Variants in ZNF423 observed in about 807,000 individuals in gnomAD.
The protein encoded by ZNF423 is zinc finger protein 423.
In ZNF423, 12 loss-of-function variants were observed where a neutral mutation model predicts 95.8. That is an observed-to-expected ratio of 0.13 (90% CI 0.08 to 0.20). ZNF423 has a LOEUF of 0.20. Among genes scored for constraint, ZNF423 ranks in the 10% least tolerant of loss-of-function variants. ZNF423 has a pLI of 1.00. For synonymous variants in ZNF423, 749 were observed against 711.9 expected (o/e 1.05, Z -0.83); for missense variants, 1,316 against 1,737.1 (o/e 0.76, Z 4.31).
intron 4 of ZNF423, among the ~76,000 whole-genome samples, chr16:49,629,330 C>G (rs1358282284): frequency 6.6e-6 from 1 of 152,162 alleles, no homozygotes; most frequent in African/African-American, 2.4e-5. Context: ...TCCATTTATA[C>G]TTAGTGTAAT....
chr16:49,615,948 G>A (rs1007584061), intron 5 of ZNF423, among the ~76,000 whole-genome samples: 10 of 152,282 alleles, frequency 6.6e-5, no homozygotes, highest in South Asian at 2.1e-4. Flanking sequence ...CGCTGCATAC[G>A]TTTCATTTTC....
intron 1 of ZNF423, among the ~76,000 whole-genome samples, chr16:49,815,725 C>G (rs2034826027): frequency 6.6e-6 from 1 of 151,430 alleles, no homozygotes; most frequent in Non-Finnish European, 1.5e-5. Flanking sequence ...ACAGAGCACG[C>G]AGGCTTGGGT....
At chr16:49,621,786 G>A (rs1972092423) in intron 5 of ZNF423, among the ~76,000 whole-genome samples, 1 of 152,200 alleles carries the variant, frequency 6.6e-6, no homozygotes, top group Admixed American at 6.5e-5. Context: ...CAGGCCTGCA[G>A]TGTCTGCCTC....
intron 3 of ZNF423, among the ~76,000 whole-genome samples, chr16:49,703,244 T>C (rs8055663): frequency 0.063 from 9,566 of 152,274 alleles, 470 homozygotes; most frequent in South Asian, 0.3. Context: ...CTTGAAAACA[T>C]TTATTCTTTT....
At chr16:49,574,792 T>C (rs1970447597) in intron 5 of ZNF423, among the ~76,000 whole-genome samples, 1 of 152,216 alleles carries the variant, frequency 6.6e-6, no homozygotes, top group Non-Finnish European at 1.5e-5. Context: ...CCAGGCCTTC[T>C]GCTGCCTGTG....
chr16:49,678,421 G>T (rs1313412289), intron 3 of ZNF423, among the ~76,000 whole-genome samples: 3 of 152,136 alleles, frequency 2.0e-5, no homozygotes, highest in Non-Finnish European at 2.9e-5. Flanking sequence ...ATGGTTTTGG[G>T]TGATGGCAAA....
At chr16:49,666,073 G>A (rs1225601313) in intron 3 of ZNF423, among the ~76,000 whole-genome samples, 1 of 152,186 alleles carries the variant, frequency 6.6e-6, no homozygotes, top group African/African-American at 2.4e-5. Flanking sequence ...TAAATAGTGC[G>A]ATCAAAACGC....
intron 5 of ZNF423, among the ~76,000 whole-genome samples, chr16:49,568,352 T>C (rs1192375701): frequency 6.6e-6 from 1 of 152,014 alleles, no homozygotes; most frequent in African/African-American, 2.4e-5. Context: ...GGGAGGCTAA[T>C]AGAGAAAAGG....
intron 7 of ZNF423, among the ~76,000 whole-genome samples, chr16:49,516,128 G>C (rs141497230): frequency 1.3e-5 from 2 of 152,328 alleles, no homozygotes; most frequent in East Asian, 3.9e-4. Flanking sequence ...TAGGGGAAGG[G>C]GGACCCGAAG....
At chr16:49,857,410 AC>A (rs1335078818), upstream of ZNF423, among the ~76,000 whole-genome samples, 1 of 151,822 alleles carries the variant, frequency 6.6e-6, no homozygotes, top group Admixed American at 6.6e-5. This position sits in a 1 kb window ranked among gnomAD's most constrained non-coding sequence, Gnocchi z 6.2. Context: ...GGAGGAGGGA[AC>A]ACACTTAGGG....
chr16:49,635,843 C>G lies in ZNF423; in HGVS notation c.3333G>C (p.Gln1111His), dbSNP rs1972673640. The change falls in exon 4 of 8, where the codon CAG becomes CAC. Residue 1111 changes from glutamine (Q) to histidine (H), a missense_variant. Physicochemically the swap from Gln to His is conservative, Grantham distance 24. Transcript: ENST00000563137. This position sits in a 1 kb window ranked among gnomAD's most constrained non-coding sequence, Gnocchi z 4.8. ...GCTCGGGCGGGGCCAGGCCACCCAC[C>G]TGTCCGTTGGCGCTGCGGGCCATGC... is the stretch of plus-strand genomic sequence containing the variant. ...AGCMARSANG[Q>H]VGGLAPPEPA... 2 of 1,602,506 alleles carry G rather than the reference C, an allele frequency of 1.2e-6. No individual in the cohort carries two copies. Among genetic ancestry groups the G allele is most frequent in the Non-Finnish European group, 1.7e-6 (2 of 1,175,526 alleles).
intron 1 of ZNF423, among the ~76,000 whole-genome samples, chr16:49,844,040 T>C (rs1289171211): frequency 1.3e-5 from 2 of 151,172 alleles, no homozygotes; most frequent in African/African-American, 4.9e-5. Context: ...ATGCCTGTAA[T>C]CTCAACATTC....
At chr16:49,737,461 G>C (rs1259678830) in intron 2 of ZNF423, among the ~76,000 whole-genome samples, 3 of 152,180 alleles carry the variant, frequency 2.0e-5, no homozygotes, top group South Asian at 2.1e-4. Flanking sequence ...GCAGAGACAG[G>C]GTTTTGCCAT....
chr16:49,570,654 T>C (rs1294000768), intron 5 of ZNF423, among the ~76,000 whole-genome samples: 1 of 152,212 alleles, frequency 6.6e-6, no homozygotes, highest in African/African-American at 2.4e-5. Context: ...ATGTTTGATG[T>C]TATATATAAT....
intron 1 of ZNF423, among the ~76,000 whole-genome samples, chr16:49,833,585 C>T (rs546570488): frequency 2.0e-4 from 30 of 152,048 alleles, no homozygotes; most frequent in Non-Finnish European, 3.4e-4. Context: ...GCTCCCAGAG[C>T]CCCCTCCCAC....
At chr16:49,693,431 G>T (rs892746008) in intron 3 of ZNF423, among the ~76,000 whole-genome samples, 3 of 152,192 alleles carry the variant, frequency 2.0e-5, no homozygotes, top group African/African-American at 7.2e-5. Context: ...CCTGTCTTAT[G>T]CGTGAATAAG....
chr16:49,668,228 G>C (rs570721289), intron 3 of ZNF423, among the ~76,000 whole-genome samples: 1 of 152,298 alleles, frequency 6.6e-6, no homozygotes, highest in African/African-American at 2.4e-5. Context: ...TGAGTAGGAG[G>C]TGGGAAAGAA....
At chr16:49,668,905 G>T (rs991915945) in intron 3 of ZNF423, among the ~76,000 whole-genome samples, 2 of 152,112 alleles carry the variant, frequency 1.3e-5, no homozygotes, top group African/African-American at 4.8e-5. Flanking sequence ...AAATGAAGAT[G>T]GTGACAGTGC....
chr16:49,664,638 TG>T (rs990322561), intron 3 of ZNF423, among the ~76,000 whole-genome samples: 1 of 20,958 alleles, frequency 4.8e-5, no homozygotes, highest in African/African-American at 1.9e-4. Flanking sequence ...CAGGACAGGG[TG>T]GGGGGACGGC....
Sources: gnomAD v4.1 joint callset for allele counts (sites outside exome capture counted in the v4.1 genomes callset) on GRCh38, gnomAD v4.1.1 for gene constraint, Gnocchi (gnomAD v3.1) non-coding constraint, MANE v1.5 for transcripts, NCBI Gene and HGNC (gene_info 2026-07-23, HGNC 2026-07-21) for gene names.